Variants in CSMD3 observed in about 807,000 individuals in gnomAD.
CSMD3 encodes the protein CUB and Sushi multiple domains 3.
Under a neutral mutation model 435.2 loss-of-function variants are expected in CSMD3, and 177 were observed. That is an observed-to-expected ratio of 0.41 (90% CI 0.36 to 0.46). The LOEUF is 0.46. CSMD3 is among the 20% of genes least tolerant of loss of function. The pLI is 0.34. For synonymous variants in CSMD3, 1,656 were observed against 1,520.5 expected, an observed-to-expected ratio of 1.09 and a Z score of -2.07; for missense variants, 4,265 against 4,504.6, an observed-to-expected ratio of 0.95 and a Z score of 1.52.
chr8:112,375,842 T>C (rs1425933664), intron 38 of CSMD3, among the ~76,000 whole-genome samples: 2 of 152,288 alleles, frequency 1.3e-5, no homozygotes. Context: ...GTGGCACCTA[T>C]AACAAAGTCA....
chr8:112,659,381 A>G (rs2075326922), intron 17 of CSMD3, among the ~76,000 whole-genome samples: 1 of 152,228 alleles, frequency 6.6e-6, no homozygotes, highest in African/African-American at 2.4e-5. Context: ...TATATGCTAA[A>G]CAAATATTAT....
chr8:112,482,732 T>G (rs1218647928), intron 31 of CSMD3, among the ~76,000 whole-genome samples: 1 of 152,210 alleles, frequency 6.6e-6, no homozygotes, highest in Non-Finnish European at 1.5e-5. Context: ...ACTAATATAT[T>G]AGTTTAAAAT....
chr8:112,246,212 T>C (rs1178577551), intron 64 of CSMD3, among the ~76,000 whole-genome samples: 1 of 152,322 alleles, frequency 6.6e-6, no homozygotes, highest in East Asian at 1.9e-4. Context: ...TGCTGGTCCC[T>C]AGGTGCCCCC....
intron 27 of CSMD3, among the ~76,000 whole-genome samples, chr8:112,536,025 G>T (rs1430470993): frequency 2.6e-5 from 4 of 152,210 alleles, no homozygotes; most frequent in East Asian, 1.9e-4. Context: ...ATTAATTCAA[G>T]ATGGATTAAA....
At chr8:112,671,751 T>C (rs2075661079) in intron 16 of CSMD3, among the ~76,000 whole-genome samples, 1 of 152,198 alleles carries the variant, frequency 6.6e-6, no homozygotes, top group East Asian at 1.9e-4. Flanking sequence ...CCACAGTAGA[T>C]TTATTATTTT....
chr8:113,344,098 T>C (rs1017707695), intron 1 of CSMD3, among the ~76,000 whole-genome samples: 1 of 152,076 alleles, frequency 6.6e-6, no homozygotes, highest in Admixed American at 6.6e-5. Flanking sequence ...AATCTAGGAG[T>C]GTGAAGAAGA....
At chr8:113,117,330 A>G (rs1433019099) in intron 4 of CSMD3, among the ~76,000 whole-genome samples, 1 of 152,256 alleles carries the variant, frequency 6.6e-6, no homozygotes, top group South Asian at 2.1e-4. Context: ...GTGAGCACCA[A>G]CCCTTGGCAG....
Position 113,262,684 on chromosome 8 carries a change from G to A in CSMD3, c.514+15908C>T, listed in dbSNP as rs139142930. 6.2e-3 allele frequency among the ~76,000 whole-genome samples: 946 copies of A among 152,096 alleles called. 4 individuals are homozygous for A. The highest frequency in any genetic ancestry group is 9.0e-3 in the Non-Finnish European group (611 of 67,930). On this transcript the variant is annotated intron_variant, in intron 3 of 70. Coordinates refer to ENST00000297405, the MANE Select transcript of CSMD3 (RefSeq NM_198123.2). ...GAGAAAGTCATGGATAGGAACCAAAGGGAGCCTCTAAAACGTAAGAAAATT... is the reference window on the plus strand; with the variant it reads ...GAGAAAGTCATGGATAGGAACCAAAAGGAGCCTCTAAAACGTAAGAAAATT...
Position 112,638,468 on chromosome 8 carries a change from T to G in CSMD3, c.3526+228A>C, listed in dbSNP as rs1423513840. On this transcript the variant is annotated intron_variant, in intron 21 of 70. Transcript: ENST00000297405. ...TGTAATTATTGTACTTCCGGTAGAT[T>G]TATAGCAAATTAATTTTTGCTTTTT... is the stretch of plus-strand genomic sequence containing the variant. 4.0e-5 allele frequency among the ~76,000 whole-genome samples: 6 copies of G among 151,252 alleles called. No individual in the cohort carries two copies. In the South Asian group the frequency reaches 8.3e-4, roughly 21 times the overall value.
chr8:112,681,331 C>T (rs768622172), intron 16 of CSMD3, among the ~76,000 whole-genome samples: 14 of 151,496 alleles, frequency 9.2e-5, no homozygotes, highest in Non-Finnish European at 1.8e-4. Flanking sequence ...GGGTTACAGG[C>T]GTGAGCCACC....
intron 58 of CSMD3, among the ~76,000 whole-genome samples, chr8:112,286,379 T>A (rs1819200985): frequency 6.6e-6 from 1 of 152,050 alleles, no homozygotes; most frequent in Admixed American, 6.6e-5. Context: ...AAGTTCTGAG[T>A]AGCATGATGA....
chr8:113,394,934 A>G (rs188054044), intron 1 of CSMD3, among the ~76,000 whole-genome samples: 1,719 of 152,288 alleles, frequency 0.011, 25 homozygotes, highest in Non-Finnish European at 0.017. Flanking sequence ...GAAGGTGAGA[A>G]GAGGAAGTGT....
At position 112,488,064 on chromosome 8, in the gene CSMD3, A is replaced by G. The variant is rs182474535; in HGVS notation, c.5278+4425T>C. 3.3e-5 allele frequency among the ~76,000 whole-genome samples: 5 copies of G among 152,278 alleles called. No individual in the cohort carries two copies. In the South Asian group the frequency reaches 6.2e-4, roughly 19 times the overall value. The stretch of plus-strand genomic sequence containing the variant: ...ATATATATGACAATATCATCAGCTA[A>G]ACTGCAAAGTTTCTCATCACTGAAC... On this transcript the variant is annotated intron_variant, in intron 31 of 70. Transcript: ENST00000297405.
intron 13 of CSMD3, among the ~76,000 whole-genome samples, chr8:112,730,114 G>C (rs187269985): frequency 1.1e-4 from 16 of 152,166 alleles, no homozygotes; most frequent in African/African-American, 3.9e-4. Flanking sequence ...AGTAAAGAAA[G>C]CCATTTTCCA....
chr8:113,193,360 C>T (rs771339787), intron 3 of CSMD3, among the ~76,000 whole-genome samples: 3 of 151,330 alleles, frequency 2.0e-5, no homozygotes, highest in Non-Finnish European at 4.4e-5. Context: ...AATCTTCCTG[C>T]TTTAAGCATG....
intron 1 of CSMD3, among the ~76,000 whole-genome samples, chr8:113,415,440 A>G (rs1474432591): frequency 1.3e-5 from 2 of 152,224 alleles, no homozygotes; most frequent in Non-Finnish European, 2.9e-5. Context: ...TAAAGCATCA[A>G]CGTAGAAAAA....
chr8:112,990,799 T>C (rs930145359), intron 6 of CSMD3, among the ~76,000 whole-genome samples: 14 of 151,872 alleles, frequency 9.2e-5, no homozygotes, highest in African/African-American at 3.4e-4. Context: ...AGAACCCATA[T>C]GGACTTTATA....
At chr8:112,360,998 C>T (rs1367969396) in intron 38 of CSMD3, among the ~76,000 whole-genome samples, 1 of 151,834 alleles carries the variant, frequency 6.6e-6, no homozygotes, top group Non-Finnish European at 1.5e-5. Context: ...AATATTAACT[C>T]TAAAATATCT....
rs150634699 is a variant in CSMD3 at position 112,859,152 on chromosome 8, G to A, written c.1748C>T (p.Thr583Ile). Residue 583 changes from threonine to isoleucine, a missense_variant, in exon 11 of 71, where the codon ACA (threonine) becomes ATA (isoleucine). Thr to Ile is a moderately conservative substitution (Grantham distance 89, BLOSUM62 -1). Transcript: ENST00000297405. Reference protein sequence around the residue: ...QCVWVITAVNTNKVIQINFEE... With the variant: ...QCVWVITAVNINKVIQINFEE... The stretch of plus-strand genomic sequence containing the variant: ...CAGATGGTGTTCTCTTACCTTATTT[G>A]TATTCACTGCTGTGATGACCCAGAC... 2.0e-4 allele frequency: 327 copies of A among 1,609,272 alleles called. No homozygotes were observed. Among genetic ancestry groups the A allele is most frequent in the Non-Finnish European group, 2.4e-4 (279 of 1,176,620 alleles).
Sources: gnomAD v4.1 joint callset for allele counts (sites outside exome capture counted in the v4.1 genomes callset) on GRCh38, gnomAD v4.1.1 for gene constraint, MANE v1.5 for transcripts, NCBI Gene and HGNC (gene_info 2026-07-23, HGNC 2026-07-21) for gene names.